The following DDX10 variants were observed in gnomAD, a reference collection of about 807,000 sequenced individuals.
DDX10 encodes the protein probable ATP-dependent RNA helicase DDX10.
In DDX10, 74 loss-of-function variants were observed where a neutral mutation model predicts 104.3. That is an observed-to-expected ratio of 0.71 (90% CI 0.59 to 0.86). The LOEUF is 0.86. Ranked by LOEUF, DDX10 falls within the 40% of genes least tolerant of loss-of-function variation. DDX10 has a pLI of 0.00. For missense variants in DDX10, 952 were observed against 1,040.0 expected (o/e 0.92, Z 1.16); for synonymous variants, 351 against 353.4 (o/e 0.99, Z 0.08).
chr11:108,867,681 C>T (rs568761133), intron 16 of DDX10, among the ~76,000 whole-genome samples: 26 of 152,172 alleles, frequency 1.7e-4, no homozygotes, highest in Non-Finnish European at 2.6e-4. Flanking sequence ...TATAACACTG[C>T]GGAAGATAAA....
At chr11:108,748,047 T>G (rs2094333976) in intron 13 of DDX10, among the ~76,000 whole-genome samples, 1 of 152,174 alleles carries the variant, frequency 6.6e-6, no homozygotes, top group Non-Finnish European at 1.5e-5. Flanking sequence ...GGACACAGTA[T>G]AAAATCTAAG....
At chr11:108,710,077 C>T (rs2094282036) in intron 10 of DDX10, among the ~76,000 whole-genome samples, 1 of 152,124 alleles carries the variant, frequency 6.6e-6, no homozygotes, top group African/African-American at 2.4e-5. Context: ...CATGTCTAAA[C>T]ATAGAAAAGG....
intron 10 of DDX10, among the ~76,000 whole-genome samples, chr11:108,711,202 G>A (rs2094283821): frequency 6.6e-6 from 1 of 152,182 alleles, no homozygotes; most frequent in Non-Finnish European, 1.5e-5. Context: ...ATTCCACAAA[G>A]TTTGCTAAGT....
At chr11:108,838,974 T>C (rs1370028187) in intron 14 of DDX10, among the ~76,000 whole-genome samples, 1 of 152,224 alleles carries the variant, frequency 6.6e-6, no homozygotes, top group African/African-American at 2.4e-5. Flanking sequence ...CTTGCATATA[T>C]CTTGCTGGAC....
At chr11:108,810,505 A>G (rs1862164618) in intron 13 of DDX10, among the ~76,000 whole-genome samples, 1 of 152,116 alleles carries the variant, frequency 6.6e-6, no homozygotes, top group Non-Finnish European at 1.5e-5. Context: ...GAGAGAGAGA[A>G]AGATGCGGGG....
chr11:108,845,055 A>C (rs2134599370), intron 15 of DDX10, among the ~76,000 whole-genome samples: 1 of 152,148 alleles, frequency 6.6e-6, no homozygotes, highest in East Asian at 1.9e-4. Context: ...AAAAAAAACC[A>C]AAATTAGCCA....
intron 3 of DDX10, among the ~76,000 whole-genome samples, chr11:108,676,682 A>C (rs185614259): frequency 3.9e-5 from 6 of 152,294 alleles, no homozygotes; most frequent in Admixed American, 3.9e-4. Context: ...CCTGACCTCA[A>C]GTGATGCACC....
chr11:108,849,680 GC>G (rs1342026801), intron 15 of DDX10, among the ~76,000 whole-genome samples: 2 of 151,966 alleles, frequency 1.3e-5, no homozygotes, highest in Non-Finnish European at 2.9e-5. Flanking sequence ...ATAACATTTT[GC>G]CTTCTTTTTT....
chr11:108,880,442 C>T (rs74498498), intron 16 of DDX10, among the ~76,000 whole-genome samples: 5 of 152,058 alleles, frequency 3.3e-5, no homozygotes, highest in Non-Finnish European at 7.4e-5. Context: ...AACAGCATTG[C>T]CTTATGTGTT....
In DDX10 at chr11:108,675,688, A is replaced by C; in HGVS notation, c.340A>C (p.Lys114Gln). 1 of 1,614,212 alleles carries C rather than the reference A, an allele frequency of 6.2e-7. No individual in the cohort carries two copies. The highest frequency in any genetic ancestry group is 8.5e-7 in the Non-Finnish European group (1 of 1,180,024). Residue 114 changes from lysine to glutamine, a missense_variant, in exon 3 of 18, where the codon AAA (lysine) becomes CAA (glutamine). By Grantham distance (53) the Lys-to-Gln change is moderately conservative. Coordinates refer to ENST00000322536, the MANE Select transcript of DDX10 (RefSeq NM_004398.4). ...LQGKDVLGAA[K>Q]TGSGKTLAFL... ...AGGTAAAGATGTACTTGGAGCGGCCAAAACTGGATCTGGCAAGACTCTGGC... is the reference window on the plus strand; with the variant it reads ...AGGTAAAGATGTACTTGGAGCGGCCCAAACTGGATCTGGCAAGACTCTGGC...
At chr11:108,934,592 T>C (rs1864013732) in intron 17 of DDX10, among the ~76,000 whole-genome samples, 1 of 152,152 alleles carries the variant, frequency 6.6e-6, no homozygotes, top group Non-Finnish European at 1.5e-5. Context: ...AAGAGGAAAC[T>C]GGGAAGGTAC....
intron 17 of DDX10, among the ~76,000 whole-genome samples, chr11:108,926,898 C>T (rs889032811): frequency 6.6e-6 from 1 of 152,138 alleles, no homozygotes; most frequent in Non-Finnish European, 1.5e-5. Context: ...GGAAAAAATC[C>T]AAGCTACATT....
At chr11:108,691,808 T>G (rs1303581538) in intron 7 of DDX10, 68 bp from the exon 8 acceptor site, 1 of 1,450,078 alleles carries the variant, frequency 6.9e-7, no homozygotes, top group Non-Finnish European at 9.4e-7. Flanking sequence ...GTGGGATACG[T>G]TGATAAGAGA....
rs200420611 is a variant in DDX10, at chr11:108,854,741, T to G, written c.2304+2532T>G. 6.7e-5 allele frequency among the ~76,000 whole-genome samples: 10 copies of G among 150,110 alleles called. No individual in the cohort carries two copies. In the South Asian group the frequency reaches 2.1e-3, roughly 32 times the overall value. ...AAAGGACACAGTATTTTTTTTTTAA[T>G]TTTGGGGAAAGTGCTTGAATGAAGT... On this transcript the variant is annotated intron_variant, in intron 16 of 17. Coordinates refer to ENST00000322536, the MANE Select transcript of DDX10 (RefSeq NM_004398.4).
intron 15 of DDX10, among the ~76,000 whole-genome samples, chr11:108,849,526 A>C (rs926631404): frequency 2.6e-5 from 4 of 152,130 alleles, no homozygotes; most frequent in African/African-American, 4.8e-5. Flanking sequence ...GTGAGAATCC[A>C]AAAGAAGTAT....
chr11:108,776,312 AGCT>A (rs1565274961), intron 13 of DDX10, among the ~76,000 whole-genome samples: 1 of 152,172 alleles, frequency 6.6e-6, no homozygotes, highest in Non-Finnish European at 1.5e-5. Context: ...CGTGCATTTC[AGCT>A]GTCAGCCAAG....
intron 14 of DDX10, among the ~76,000 whole-genome samples, chr11:108,838,804 T>G (rs1862596866): frequency 6.6e-6 from 1 of 152,226 alleles, no homozygotes; most frequent in East Asian, 1.9e-4. Context: ...TTTTGAACTT[T>G]CTAGATTATG....
intron 9 of DDX10, among the ~76,000 whole-genome samples, chr11:108,695,767 T>G (rs1039377492): frequency 3.3e-5 from 5 of 151,920 alleles, no homozygotes; most frequent in Non-Finnish European, 7.4e-5. Context: ...AGTGTTTTTT[T>G]TTTTTGTTTT....
At chr11:108,682,035 C>G (rs2094236024) in intron 6 of DDX10, among the ~76,000 whole-genome samples, 1 of 151,958 alleles carries the variant, frequency 6.6e-6, no homozygotes, top group Non-Finnish European at 1.5e-5. Context: ...TAGCAAAACA[C>G]TTCCCTACTC....
Sources: gnomAD v4.1 joint callset for allele counts (sites outside exome capture counted in the v4.1 genomes callset) on GRCh38, gnomAD v4.1.1 for gene constraint, MANE v1.5 for transcripts, NCBI Gene and HGNC (gene_info 2026-07-23, HGNC 2026-07-21) for gene names.